The following CLMP variants were observed in gnomAD, a reference collection of about 807,000 sequenced individuals.
The protein encoded by CLMP is CXADR-like membrane protein.
Under a neutral mutation model 45.2 loss-of-function variants are expected in CLMP, and 27 were observed. The ratio of observed to expected loss-of-function variants is 0.60; its 90% CI spans 0.44 to 0.82. The LOEUF (loss-of-function observed/expected upper bound fraction) is 0.82, where lower values mean the gene tolerates loss of function less well. Among genes scored for constraint, CLMP ranks in the 40% least tolerant of loss-of-function variants. CLMP has a pLI of 0.00. For synonymous variants in CLMP, 167 were observed against 171.4 expected (o/e 0.97, Z 0.20); for missense variants, 403 against 448.4 (o/e 0.90, Z 0.91).
chr11:123,093,386 A>G (rs914156919), intron 2 of CLMP, among the ~76,000 whole-genome samples: 18 of 150,786 alleles, frequency 1.2e-4, no homozygotes, highest in South Asian at 6.3e-4. Context: ...TCACTCTGTC[A>G]CCCAGACTGG....
intron 1 of CLMP, among the ~76,000 whole-genome samples, chr11:123,111,927 A>AT (rs966359569): frequency 4.7e-5 from 6 of 127,010 alleles, no homozygotes; most frequent in African/African-American, 1.5e-4. Context: ...AGACTTATTT[A>AT]TTTTTTTAGA....
intron 1 of CLMP, among the ~76,000 whole-genome samples, chr11:123,167,577 G>A (rs571295415): frequency 2.5e-4 from 38 of 152,154 alleles, no homozygotes; most frequent in African/African-American, 8.2e-4. Flanking sequence ...GAGCCACCAC[G>A]CCCCGCCGAA....
intron 1 of CLMP, chr11:123,188,926 C>A (rs1158568995): frequency 6.6e-6 from 1 of 152,154 alleles, no homozygotes; most frequent in African/African-American, 2.4e-5. Context: ...GCAGAAAAAG[C>A]AACATATGAG....
intron 1 of CLMP, among the ~76,000 whole-genome samples, chr11:123,134,833 A>T (rs1177925280): frequency 6.6e-6 from 1 of 152,098 alleles, no homozygotes; most frequent in Non-Finnish European, 1.5e-5. Flanking sequence ...GCTCTCTAGC[A>T]CGTGAGCTTG....
intron 1 of CLMP, among the ~76,000 whole-genome samples, chr11:123,171,514 G>T (rs1384855588): frequency 6.8e-6 from 1 of 146,552 alleles, no homozygotes; most frequent in Non-Finnish European, 1.5e-5. Context: ...TGTGATCTTA[G>T]CTCACTGCGA....
Position 123,151,022 on chromosome 11 carries a change from T to TCA in CLMP, c.28+43889_28+43890dup, listed in dbSNP as rs536008787. Among the ~76,000 whole-genome samples, 365 of 152,284 alleles carry TCA rather than the reference T, an allele frequency of 2.4e-3. 2 individuals are homozygous for TCA. Among genetic ancestry groups the TCA allele is most frequent in the African/African-American group, 8.3e-3 (343 of 41,560 alleles). ...CTGGCCTGGGTCTTTCCATCTTATC[T>TCA]CACCACTTTTCTGTTACTGCCAGAC... On this transcript the variant is annotated intron_variant, in intron 1 of 6. Transcript: ENST00000448775.
rs28404238 is a variant in CLMP at position 123,119,003 on chromosome 11, C to T, written c.29-21051G>A. Among the ~76,000 whole-genome samples the T allele has an allele frequency of 4.2e-3, 106 of 25,156 alleles. 3 individuals are homozygous for T. The highest frequency in any genetic ancestry group is 5.8e-3 in the African/African-American group (29 of 5,004). The allele number at this position is 25,156 out of a possible 152,430, so 16.5% of individuals were successfully genotyped here. A position where few individuals can be genotyped will look rare whatever the true frequency, so the allele number is the denominator to read the frequency against. On this transcript the variant is annotated intron_variant, in intron 1 of 6. Transcript: ENST00000448775. Reference sequence around the variant, plus strand: ...TTTCTTTCTTTCTTTCTTTCTTTCTCTCTCTCTCTCTCTCTCTCTCTCTCT... The same window carrying T: ...TTTCTTTCTTTCTTTCTTTCTTTCTTTCTCTCTCTCTCTCTCTCTCTCTCT...
intron 1 of CLMP, among the ~76,000 whole-genome samples, chr11:123,138,329 T>C (rs930947585): frequency 2.6e-5 from 4 of 152,070 alleles, no homozygotes; most frequent in Non-Finnish European, 5.9e-5. Context: ...CTCCCCCAAG[T>C]AATTCCTGTT....
At chr11:123,163,709 G>A (rs968472121) in intron 1 of CLMP, among the ~76,000 whole-genome samples, 3 of 152,188 alleles carry the variant, frequency 2.0e-5, no homozygotes, top group South Asian at 2.1e-4. Flanking sequence ...GAGGGAGAAG[G>A]TCCTAAGGTA....
intron 1 of CLMP, among the ~76,000 whole-genome samples, chr11:123,158,012 A>T (rs926962846): frequency 1.3e-5 from 2 of 150,924 alleles, no homozygotes; most frequent in African/African-American, 4.9e-5. Context: ...TCTGCACAAA[A>T]CCCCCAGTTT....
intron 1 of CLMP, among the ~76,000 whole-genome samples, chr11:123,164,198 T>G (rs1409333125): frequency 6.6e-6 from 1 of 152,174 alleles, no homozygotes; most frequent in East Asian, 1.9e-4. Context: ...ATAATTTATC[T>G]ATTTCTTTGT....
intron 1 of CLMP, among the ~76,000 whole-genome samples, chr11:123,164,488 G>A (rs1209955143): frequency 6.6e-6 from 1 of 152,042 alleles, no homozygotes; most frequent in Admixed American, 6.6e-5. Flanking sequence ...ATTTTTAGTA[G>A]AGACAGGGTT....
intron 1 of CLMP, among the ~76,000 whole-genome samples, chr11:123,100,388 A>AG (rs1866041746): frequency 6.6e-6 from 1 of 152,036 alleles, no homozygotes; most frequent in Non-Finnish European, 1.5e-5. Flanking sequence ...CTCAGAAAAA[A>AG]AAAAAAAAAC....
intron 4 of CLMP, among the ~76,000 whole-genome samples, 169 bp from the exon 5 acceptor site, chr11:123,083,376 A>G (rs1865827269): frequency 6.6e-6 from 1 of 152,180 alleles, no homozygotes; most frequent in Non-Finnish European, 1.5e-5. Context: ...CATTTTTTTT[A>G]AGTTGTAGCA....
intron 1 of CLMP, among the ~76,000 whole-genome samples, chr11:123,157,306 G>A (rs1373448995): frequency 2.6e-5 from 4 of 152,080 alleles, no homozygotes; most frequent in Non-Finnish European, 5.9e-5. Flanking sequence ...TGTAATCCCA[G>A]CACTTTGGGA....
intron 2 of CLMP, 41 bp from the exon 3 acceptor site, chr11:123,084,754 C>T (rs1865844817): frequency 1.3e-6 from 2 of 1,562,260 alleles, no homozygotes; most frequent in South Asian, 1.1e-5. Flanking sequence ...GCGTAACTCT[C>T]AGCCTGCCTT....
intron 1 of CLMP, among the ~76,000 whole-genome samples, chr11:123,185,628 G>T (rs151259270): frequency 6.6e-6 from 1 of 152,186 alleles, no homozygotes; most frequent in Non-Finnish European, 1.5e-5. Flanking sequence ...GAGTGGAGTC[G>T]GGTAGAGCTC....
intron 1 of CLMP, among the ~76,000 whole-genome samples, chr11:123,145,464 T>G (rs796640594): frequency 1.1e-4 from 10 of 89,128 alleles, no homozygotes; most frequent in African/African-American, 3.7e-4. Flanking sequence ...TTTTTTTTTT[T>G]TTTTTTTTTT....
At chr11:123,188,499 G>C (rs901026775) in intron 1 of CLMP, among the ~76,000 whole-genome samples, 2 of 151,112 alleles carry the variant, frequency 1.3e-5, no homozygotes, top group South Asian at 2.1e-4. Context: ...GCCACCGTTC[G>C]TGACCTGAAC....
Sources: gnomAD v4.1 joint callset for allele counts (sites outside exome capture counted in the v4.1 genomes callset) on GRCh38, gnomAD v4.1.1 for gene constraint, MANE v1.5 for transcripts, NCBI Gene and HGNC (gene_info 2026-07-23, HGNC 2026-07-21) for gene names.